Variants in DAAM1 observed in about 807,000 individuals in gnomAD.
DAAM1 encodes the protein dishevelled associated activator of morphogenesis 1, also known as disheveled-associated activator of morphogenesis 1.
A neutral mutation model predicts 130.0 loss-of-function variants in DAAM1; 52 were observed. The observed-to-expected ratio is 0.40, with a 90% CI of 0.32 to 0.50. DAAM1 has a LOEUF of 0.50. Ranked by LOEUF, DAAM1 falls within the 20% of genes least tolerant of loss-of-function variation. The pLI, the probability that DAAM1 is intolerant of heterozygous loss-of-function variation, is 0.61. For missense variants in DAAM1, 1,134 were observed against 1,303.8 expected, an observed-to-expected ratio of 0.87 and a Z score of 2.01; for synonymous variants, 452 against 444.5, an observed-to-expected ratio of 1.02 and a Z score of -0.21.
At chr14:59,295,408 A>G (rs996776423) in intron 3 of DAAM1, among the ~76,000 whole-genome samples, 2 of 152,226 alleles carry the variant, frequency 1.3e-5, no homozygotes, top group Non-Finnish European at 2.9e-5. Flanking sequence ...CATCTAAGGA[A>G]AGTGGCTGGA....
At chr14:59,318,346 G>T (rs550460528) in intron 4 of DAAM1, among the ~76,000 whole-genome samples, 21 of 151,650 alleles carry the variant, frequency 1.4e-4, no homozygotes, top group South Asian at 1.0e-3. Flanking sequence ...TCAGACCCGC[G>T]TGTTCCAATG....
intron 1 of DAAM1, among the ~76,000 whole-genome samples, chr14:59,193,098 G>A (rs1301668667): frequency 6.6e-6 from 1 of 152,178 alleles, no homozygotes; most frequent in Non-Finnish European, 1.5e-5. Context: ...AAAGTTTAGA[G>A]GAAATTGATT....
At chr14:59,216,323 AGTGT>A (rs1039512219) in intron 1 of DAAM1, among the ~76,000 whole-genome samples, 1 of 151,962 alleles carries the variant, frequency 6.6e-6, no homozygotes, top group Admixed American at 6.6e-5. Flanking sequence ...AATGACTTTG[AGTGT>A]GTGTGTGTGA....
intron 2 of DAAM1, among the ~76,000 whole-genome samples, chr14:59,288,767 G>A (rs1883573880): frequency 6.6e-6 from 1 of 151,668 alleles, no homozygotes; most frequent in Admixed American, 6.6e-5. Flanking sequence ...AAGCATGACT[G>A]GGGGGCCTCA....
chr14:59,213,349 C>CAAAAAAAAAAA (rs35496333), intron 1 of DAAM1, among the ~76,000 whole-genome samples: 1 of 69,966 alleles, frequency 1.4e-5, no homozygotes, highest in African/African-American at 6.6e-5. Flanking sequence ...CACAGCTTAC[C>CAAAAAAAAAAA]AAAAAAAAAA....
chr14:59,192,065 G>C (rs1265063198), intron 1 of DAAM1, among the ~76,000 whole-genome samples: 1 of 151,918 alleles, frequency 6.6e-6, no homozygotes, highest in African/African-American at 2.4e-5. Flanking sequence ...TCCTTGGGTG[G>C]TGCTTACAGG....
At chr14:59,196,079 T>C (rs1285261831) in intron 1 of DAAM1, among the ~76,000 whole-genome samples, 3 of 152,202 alleles carry the variant, frequency 2.0e-5, no homozygotes, top group Non-Finnish European at 4.4e-5. Flanking sequence ...GTTGTCCTCC[T>C]GTGAAGATTA....
At position 59,330,952 on chromosome 14, in the gene DAAM1, C is replaced by T. The variant is rs550335394; in HGVS notation, c.1561-257C>T. Among the ~76,000 whole-genome samples, 60 of 152,312 alleles carry T rather than the reference C, an allele frequency of 3.9e-4. No individual in the cohort carries two copies. In the South Asian group the frequency reaches 0.012, roughly 31 times the overall value. On this transcript the variant is annotated intron_variant, in intron 13 of 24. Coordinates refer to ENST00000360909, the MANE Select transcript of DAAM1 (RefSeq NM_001270520.2). Reference sequence around the variant, plus strand: ...GAAAACTGACTTCATGAAAACCAGACTGTCTGTGATGGTGCAAGAAGTGAG... The same window carrying T: ...GAAAACTGACTTCATGAAAACCAGATTGTCTGTGATGGTGCAAGAAGTGAG...
chr14:59,351,748 T>C (rs1886301790), intron 17 of DAAM1, among the ~76,000 whole-genome samples: 1 of 145,706 alleles, frequency 6.9e-6, no homozygotes, highest in African/African-American at 2.7e-5. Flanking sequence ...AGAAGGTCAA[T>C]GTTTTAAAAA....
chr14:59,256,640 A>G (rs1881900298), intron 1 of DAAM1, among the ~76,000 whole-genome samples: 1 of 152,236 alleles, frequency 6.6e-6, no homozygotes, highest in Non-Finnish European at 1.5e-5. Context: ...CCCAGCTGTC[A>G]TGGTGGAATT....
chr14:59,286,479 A>G (rs1006658061), intron 2 of DAAM1, among the ~76,000 whole-genome samples: 4 of 152,102 alleles, frequency 2.6e-5, no homozygotes, highest in African/African-American at 9.7e-5. Flanking sequence ...AAAAGTCAGC[A>G]AACCAAAAAT....
chr14:59,298,462 A>C (rs1290324166), intron 3 of DAAM1, among the ~76,000 whole-genome samples: 2 of 152,208 alleles, frequency 1.3e-5, no homozygotes. Flanking sequence ...CTCTGAAAAC[A>C]TAGTGGCCCT....
At chr14:59,339,870 C>T (rs559295373) in intron 15 of DAAM1, among the ~76,000 whole-genome samples, 4 of 152,298 alleles carry the variant, frequency 2.6e-5, no homozygotes, top group Admixed American at 2.0e-4. Context: ...GGGTGGTCAG[C>T]TTTTCTTATT....
At chr14:59,290,476 C>T (rs1396506967) in intron 2 of DAAM1, among the ~76,000 whole-genome samples, 1 of 152,134 alleles carries the variant, frequency 6.6e-6, no homozygotes, top group Non-Finnish European at 1.5e-5. Flanking sequence ...ATGAGTAGAC[C>T]ACTTGGGGTT....
rs1887102730 is a variant in DAAM1, at chr14:59,370,143, ACT to A, written c.*1285_*1286del. 3.8e-5 allele frequency: 2 copies of A among 52,938 alleles called. No homozygotes were observed. The highest frequency in any genetic ancestry group is 7.7e-4 in the South Asian group (1 of 1,306). 3.3% of individuals were successfully genotyped at this position (52,938 alleles called of 1,614,324 possible). A position where few individuals can be genotyped will look rare whatever the true frequency, so the allele number is the denominator to read the frequency against. On this transcript the variant is annotated 3_prime_UTR_variant, in exon 25 of 25. Coordinates refer to ENST00000360909, the MANE Select transcript of DAAM1 (RefSeq NM_001270520.2). ...ATATAAAGAGGACTGTTACTTTTTT[ACT>A]TTTTTTTTTTTTTTTTTTTTTTTTT...
intron 16 of DAAM1, among the ~76,000 whole-genome samples, chr14:59,343,567 C>T (rs955122991): frequency 2.0e-5 from 3 of 152,202 alleles, no homozygotes; most frequent in African/African-American, 7.2e-5. Flanking sequence ...AAGTTCACCA[C>T]AGTGAAAGCC....
chr14:59,365,314 T>C (rs1004018070), intron 23 of DAAM1, among the ~76,000 whole-genome samples: 7 of 152,198 alleles, frequency 4.6e-5, no homozygotes, highest in Non-Finnish European at 8.8e-5. Context: ...GTATGTGAAC[T>C]TGAATGTTTT....
chr14:59,336,044 C>T (rs1238407880), intron 15 of DAAM1, among the ~76,000 whole-genome samples: 2 of 150,650 alleles, frequency 1.3e-5, no homozygotes, highest in African/African-American at 2.4e-5. Flanking sequence ...TTCTTAAGAC[C>T]AAATGTAAGT....
At chr14:59,222,715 G>A (rs998434994) in intron 1 of DAAM1, among the ~76,000 whole-genome samples, 5 of 152,218 alleles carry the variant, frequency 3.3e-5, no homozygotes, top group Non-Finnish European at 7.3e-5. Context: ...TCTTTGGTAA[G>A]CATTCACATA....
Sources: gnomAD v4.1 joint callset for allele counts (sites outside exome capture counted in the v4.1 genomes callset) on GRCh38, gnomAD v4.1.1 for gene constraint, MANE v1.5 for transcripts, NCBI Gene and HGNC (gene_info 2026-07-23, HGNC 2026-07-21) for gene names.